The following CDIN1 variants were observed in gnomAD, a reference collection of about 807,000 sequenced individuals.
The protein encoded by CDIN1 is CDAN1-interacting nuclease 1.
A neutral mutation model predicts 45.3 loss-of-function variants in CDIN1; 33 were observed. That is an observed-to-expected ratio of 0.73 (90% confidence interval 0.55 to 0.97). The LOEUF is 0.97. Ranked by LOEUF, CDIN1 falls within the 50% of genes least tolerant of loss-of-function variation. The probability of loss-of-function intolerance (pLI) is 0.00; values close to 1 mark genes in which losing one functional copy is unlikely to be tolerated. For synonymous variants in CDIN1, 118 were observed against 124.4 expected, an observed-to-expected ratio of 0.95 and a Z score of 0.34; for missense variants, 303 against 339.4, an observed-to-expected ratio of 0.89 and a Z score of 0.84.
chr15:36,639,834 C>T (rs1200083863), intron 1 of CDIN1, among the ~76,000 whole-genome samples: 1 of 152,082 alleles, frequency 6.6e-6, no homozygotes, highest in Non-Finnish European at 1.5e-5. Flanking sequence ...TATATTTGAC[C>T]TATAGTTATT....
rs142888783 is a variant in CDIN1 at position 36,597,335 on chromosome 15, A to G, written c.101+17374A>G. Among the ~76,000 whole-genome samples the G allele has an allele frequency of 6.6e-5, 10 of 152,248 alleles. No individual in the cohort carries two copies. In the East Asian group the frequency reaches 9.7e-4, roughly 15 times the overall value. ...AATGCTCAAACTCTTTCTTTTCTCA[A>G]TGCTCTCAGTGACCTCTTACTGAAT... On this transcript the variant is annotated intron_variant, in intron 1 of 10. Coordinates refer to ENST00000566621, the MANE Select transcript of CDIN1 (RefSeq NM_001321759.2).
At chr15:36,749,389 C>T (rs745769830) in intron 10 of CDIN1, among the ~76,000 whole-genome samples, 3 of 152,178 alleles carry the variant, frequency 2.0e-5, no homozygotes, top group East Asian at 1.9e-4. Flanking sequence ...GCCCTGGATT[C>T]ACCTGCAGTG....
intron 5 of CDIN1, among the ~76,000 whole-genome samples, chr15:36,665,517 T>C (rs1261437637): frequency 6.6e-6 from 1 of 152,230 alleles, no homozygotes; most frequent in Non-Finnish European, 1.5e-5. Flanking sequence ...AATTTAAATA[T>C]ATGAAAAGCA....
intron 1 of CDIN1, among the ~76,000 whole-genome samples, chr15:36,630,977 CACCTTCAACACCGGTAACCA>C (rs1298805896): frequency 6.6e-6 from 1 of 152,220 alleles, no homozygotes; most frequent in Non-Finnish European, 1.5e-5. Context: ...CATTAGGCCC[CACCTTCAACACCGGTAACCA>C]ACCTTCAACA....
intron 3 of CDIN1, among the ~76,000 whole-genome samples, chr15:36,653,632 C>T (rs2040661950): frequency 2.0e-5 from 3 of 152,026 alleles, no homozygotes; most frequent in African/African-American, 7.2e-5. Flanking sequence ...GGTGTGCTGA[C>T]CCACTGATGA....
intron 10 of CDIN1, among the ~76,000 whole-genome samples, chr15:36,777,955 G>A (rs565261595): frequency 1.1e-4 from 16 of 152,320 alleles, no homozygotes; most frequent in African/African-American, 3.4e-4. Flanking sequence ...TGATGACCTA[G>A]TTAATTCTGC....
chr15:36,753,635 CA>C (rs2053533607), intron 10 of CDIN1, among the ~76,000 whole-genome samples: 2 of 143,200 alleles, frequency 1.4e-5, no homozygotes, highest in Non-Finnish European at 3.0e-5. Context: ...AAAAAAAAAG[CA>C]AATTTATGTG....
chr15:36,691,650 C>G, intron 5 of CDIN1, 35 bp from the exon 6 acceptor site: 1 of 1,381,382 alleles, frequency 7.2e-7, no homozygotes, highest in South Asian at 1.2e-5. Flanking sequence ...AGTATGTTGA[C>G]TATCTGCTAA....
At chr15:36,598,247 C>G (rs771780784) in intron 1 of CDIN1, among the ~76,000 whole-genome samples, 1 of 152,204 alleles carries the variant, frequency 6.6e-6, no homozygotes, top group Non-Finnish European at 1.5e-5. Context: ...CCACCTCCGC[C>G]TCCCAAAGTG....
chr15:36,661,960 A>G (rs2041033053), intron 5 of CDIN1, among the ~76,000 whole-genome samples: 1 of 152,216 alleles, frequency 6.6e-6, no homozygotes, highest in Non-Finnish European at 1.5e-5. Flanking sequence ...TATAAGGTGA[A>G]CACTATTATT....
chr15:36,691,643 A>G (rs1226966013), intron 5 of CDIN1, 42 bp from the exon 6 acceptor site: 2 of 1,304,482 alleles, frequency 1.5e-6, no homozygotes. Flanking sequence ...CATTAAAAGT[A>G]TGTTGACTAT....
At chr15:36,672,831 T>A (rs1798538217) in intron 5 of CDIN1, among the ~76,000 whole-genome samples, 1 of 151,774 alleles carries the variant, frequency 6.6e-6, no homozygotes, top group African/African-American at 2.4e-5. Flanking sequence ...GTTCATAGTA[T>A]ACTAAGTGCC....
At chr15:36,642,483 C>T (rs979169196) in intron 1 of CDIN1, among the ~76,000 whole-genome samples, 3 of 152,200 alleles carry the variant, frequency 2.0e-5, no homozygotes, top group African/African-American at 2.4e-5. Flanking sequence ...CTAACCCTCT[C>T]GGCCATAGAA....
chr15:36,781,163 A>T (rs112859123), intron 10 of CDIN1, among the ~76,000 whole-genome samples: 8 of 152,344 alleles, frequency 5.3e-5, no homozygotes, highest in African/African-American at 1.7e-4. Flanking sequence ...TAATGAATGC[A>T]TGTGTTACAT....
intron 3 of CDIN1, among the ~76,000 whole-genome samples, chr15:36,653,848 G>T (rs1354346826): frequency 1.3e-5 from 2 of 152,196 alleles, no homozygotes; most frequent in Non-Finnish European, 2.9e-5. Context: ...GGAGGTGAAA[G>T]AAAACAAGGG....
chr15:36,614,103 T>G lies in CDIN1; in HGVS notation c.102-30175T>G, dbSNP rs1179428793. The G allele has an allele frequency of 6.3e-6, 5 of 798,168 alleles. No homozygotes were observed. In the African/African-American group the frequency reaches 6.7e-5, roughly 11 times the overall value. The allele number at this position is 798,168 out of a possible 1,614,324, so 49.4% of individuals were successfully genotyped here. ...TTTGCTGAGAGATCGGTAGCCAAGC[T>G]GGAAATGACTTGGAAGATAAACTGA... On this transcript the variant is annotated intron_variant, in intron 1 of 10. Transcript: ENST00000566621.
At chr15:36,614,824 G>A (rs2038811764) in intron 1 of CDIN1, among the ~76,000 whole-genome samples, 1 of 152,174 alleles carries the variant, frequency 6.6e-6, no homozygotes, top group Non-Finnish European at 1.5e-5. Context: ...TTTGGATAAT[G>A]TTATTTCTAT....
At chr15:36,722,804 C>T (rs1712068479) in intron 10 of CDIN1, among the ~76,000 whole-genome samples, 1 of 152,190 alleles carries the variant, frequency 6.6e-6, no homozygotes. Context: ...GTACTCTTCT[C>T]ATAAAACAGA....
At chr15:36,746,268 G>A (rs1365564051) in intron 10 of CDIN1, among the ~76,000 whole-genome samples, 1 of 152,162 alleles carries the variant, frequency 6.6e-6, no homozygotes, top group Non-Finnish European at 1.5e-5. Context: ...GTCTGTATTG[G>A]GGAGTGGAAA....
Sources: allele counts gnomAD v4.1 joint callset (sites outside exome capture counted in the v4.1 genomes callset), GRCh38; gene constraint gnomAD v4.1.1; transcripts MANE v1.5; gene names NCBI Gene and HGNC (gene_info 2026-07-23, HGNC 2026-07-21).